APBB1IP: variants seen among roughly 807,000 people sequenced by gnomAD.
The protein encoded by APBB1IP is amyloid beta A4 precursor protein-binding family B member 1-interacting protein.
APBB1IP carries 27 observed loss-of-function variants against 64.9 expected under a neutral mutation model. That is an observed-to-expected ratio of 0.42 (90% confidence interval 0.31 to 0.57). The LOEUF is 0.57. Ranked by LOEUF, APBB1IP falls within the 20% of genes least tolerant of loss-of-function variation. APBB1IP has a pLI of 0.20. For missense variants in APBB1IP, 812 were observed against 845.5 expected (o/e 0.96, Z 0.49); for synonymous variants, 392 against 331.0 (o/e 1.18, Z -2.00).
At chr10:26,558,274 G>A (rs1279972981) in intron 11 of APBB1IP, among the ~76,000 whole-genome samples, 1 of 152,108 alleles carries the variant, frequency 6.6e-6, no homozygotes, top group African/African-American at 2.4e-5. Context: ...CAGAACCTAT[G>A]TTTGGTTGCC....
intron 8 of APBB1IP, among the ~76,000 whole-genome samples, chr10:26,522,652 A>G (rs1836417630): frequency 6.6e-6 from 1 of 152,196 alleles, no homozygotes; most frequent in Non-Finnish European, 1.5e-5. Context: ...AGGGTTAAAA[A>G]ATCACAGTTG....
Position 26,537,584 on chromosome 10 carries a change from C to T in APBB1IP, c.1044+1367C>T, listed in dbSNP as rs144452474. 4.8e-3 allele frequency among the ~76,000 whole-genome samples: 726 copies of T among 152,202 alleles called. 5 individuals carry two copies. Among genetic ancestry groups the T allele is most frequent in the South Asian group, 6.8e-3 (33 of 4,822 alleles). ...TATGTCTTAGGCATTTGAATATAAACGGTGCATATAAATAAACATATAACA... is the reference window on the plus strand; with the variant it reads ...TATGTCTTAGGCATTTGAATATAAATGGTGCATATAAATAAACATATAACA... On this transcript the variant is annotated intron_variant, in intron 10 of 14. Transcript: ENST00000376236.
chr10:26,506,712 G>A (rs1836184148), intron 6 of APBB1IP, among the ~76,000 whole-genome samples: 1 of 151,932 alleles, frequency 6.6e-6, no homozygotes, highest in African/African-American at 2.4e-5. Flanking sequence ...AGGGATCTTT[G>A]TCTCTTTTCC....
chr10:26,509,346 G>T (rs1035630940), intron 6 of APBB1IP, among the ~76,000 whole-genome samples: 1 of 152,148 alleles, frequency 6.6e-6, no homozygotes, highest in Non-Finnish European at 1.5e-5. Context: ...GATTTAAATG[G>T]TCCCTGGAGG....
intron 14 of APBB1IP, among the ~76,000 whole-genome samples, chr10:26,565,634 G>A (rs953862602): frequency 6.6e-6 from 1 of 152,200 alleles, no homozygotes; most frequent in African/African-American, 2.4e-5. Flanking sequence ...ACCCAGGTTT[G>A]GCTGCTCACC....
At chr10:26,472,213 A>C (rs1043519430) in intron 2 of APBB1IP, among the ~76,000 whole-genome samples, 1 of 152,236 alleles carries the variant, frequency 6.6e-6, no homozygotes, top group Non-Finnish European at 1.5e-5. Context: ...ACATGAAAAC[A>C]TCTGGCTCAG....
chr10:26,442,090 G>A (rs2132390115), intron 2 of APBB1IP, among the ~76,000 whole-genome samples: 1 of 152,290 alleles, frequency 6.6e-6, no homozygotes, highest in Non-Finnish European at 1.5e-5. Flanking sequence ...AAGAGGAGAT[G>A]TAACTAGATG....
At chr10:26,477,866 G>C (rs1024160808) in intron 2 of APBB1IP, among the ~76,000 whole-genome samples, 1 of 152,262 alleles carries the variant, frequency 6.6e-6, no homozygotes, top group Admixed American at 6.5e-5. Context: ...AAGTAGCTAG[G>C]TGCATGCCAC....
intron 11 of APBB1IP, among the ~76,000 whole-genome samples, chr10:26,557,747 C>A (rs1197139133): frequency 6.6e-6 from 1 of 151,928 alleles, no homozygotes; most frequent in Non-Finnish European, 1.5e-5. Context: ...CCTTTCTGGA[C>A]AAAGATTACA....
At chr10:26,544,136 A>G (rs1333114767) in intron 11 of APBB1IP, among the ~76,000 whole-genome samples, 1 of 152,196 alleles carries the variant, frequency 6.6e-6, no homozygotes, top group East Asian at 1.9e-4. Flanking sequence ...AGATCTGGAC[A>G]CAAAGCATCG....
intron 2 of APBB1IP, among the ~76,000 whole-genome samples, chr10:26,473,058 A>T (rs1180781336): frequency 6.6e-6 from 1 of 152,236 alleles, no homozygotes; most frequent in African/African-American, 2.4e-5. Context: ...CAATACAAAG[A>T]TTCTAAGGCA....
At chr10:26,470,980 A>G (rs1233805863) in intron 2 of APBB1IP, among the ~76,000 whole-genome samples, 1 of 152,234 alleles carries the variant, frequency 6.6e-6, no homozygotes, top group East Asian at 1.9e-4. Context: ...ACACTTACTG[A>G]ACTTTCAGTT....
At chr10:26,445,785 A>T (rs944803248) in intron 2 of APBB1IP, among the ~76,000 whole-genome samples, 6 of 152,226 alleles carry the variant, frequency 3.9e-5, no homozygotes, top group African/African-American at 1.4e-4. Context: ...GTGTTAGAGC[A>T]GGGCTAAAAA....
chr10:26,505,216 C>G (rs80344644), intron 6 of APBB1IP, among the ~76,000 whole-genome samples: 3 of 152,278 alleles, frequency 2.0e-5, no homozygotes, highest in African/African-American at 4.8e-5. Context: ...CAATACCTGC[C>G]GATGGATGGA....
Position 26,459,265 on chromosome 10 carries a change from G to A in APBB1IP, c.-1+20412G>A, listed in dbSNP as rs1425445665. Among the ~76,000 whole-genome samples the A allele has an allele frequency of 1.3e-4, 20 of 151,844 alleles. No individual in the cohort carries two copies. In the East Asian group the frequency reaches 1.9e-3, roughly 15 times the overall value. The stretch of plus-strand genomic sequence containing the variant: ...TCATCCATGTCCCTACAAAGGACAT[G>A]AACTCATCATTTTTTATGGCTGCAT... On this transcript the variant is annotated intron_variant, in intron 2 of 14. Coordinates refer to ENST00000376236, the MANE Select transcript of APBB1IP (RefSeq NM_019043.4).
intron 8 of APBB1IP, among the ~76,000 whole-genome samples, chr10:26,513,951 G>T (rs1303422416): frequency 6.6e-6 from 1 of 152,112 alleles, no homozygotes; most frequent in Non-Finnish European, 1.5e-5. Flanking sequence ...GGCCAGGATG[G>T]TCTTGATCTC....
At chr10:26,505,312 C>T (rs749105274) in intron 6 of APBB1IP, among the ~76,000 whole-genome samples, 1 of 152,204 alleles carries the variant, frequency 6.6e-6, no homozygotes, top group Non-Finnish European at 1.5e-5. Flanking sequence ...TCTGGTTCCA[C>T]TCATTCCAAA....
chr10:26,479,627 G>A (rs1835812890), intron 2 of APBB1IP, among the ~76,000 whole-genome samples: 1 of 152,132 alleles, frequency 6.6e-6, no homozygotes, highest in Non-Finnish European at 1.5e-5. Context: ...TGACACGTAA[G>A]TGTATATATC....
intron 3 of APBB1IP, among the ~76,000 whole-genome samples, chr10:26,494,199 G>C (rs946014971): frequency 1.3e-5 from 2 of 152,132 alleles, no homozygotes; most frequent in Admixed American, 1.3e-4. Flanking sequence ...ACCATAGACT[G>C]AGAAAAAAGC....
Sources: allele counts gnomAD v4.1 joint callset (sites outside exome capture counted in the v4.1 genomes callset), GRCh38; gene constraint gnomAD v4.1.1; transcripts MANE v1.5; gene names NCBI Gene and HGNC (gene_info 2026-07-23, HGNC 2026-07-21).